Variants in PDSS2 observed in about 807,000 individuals in gnomAD.
The protein encoded by PDSS2 is all trans-polyprenyl-diphosphate synthase PDSS2.
In PDSS2, 31 loss-of-function variants were observed where a neutral mutation model predicts 44.5. That is an observed-to-expected ratio of 0.70 (90% CI 0.52 to 0.94). The LOEUF (loss-of-function observed/expected upper bound fraction) is 0.94, where lower values mean the gene tolerates loss of function less well. Ranked by LOEUF, PDSS2 falls within the 40% of genes least tolerant of loss-of-function variation. PDSS2 has a pLI of 0.00. For missense variants in PDSS2, 452 were observed against 482.2 expected (o/e 0.94, Z 0.59); for synonymous variants, 157 against 180.3 (o/e 0.87, Z 1.03).
intron 7 of PDSS2, among the ~76,000 whole-genome samples, chr6:107,183,678 T>C (rs1049888341): frequency 6.6e-6 from 1 of 151,996 alleles, no homozygotes; most frequent in Non-Finnish European, 1.5e-5. Context: ...GGCAGGCAGA[T>C]CACGAGGTCA....
chr6:107,440,264 C>G (rs952327495), intron 1 of PDSS2, among the ~76,000 whole-genome samples: 3 of 152,228 alleles, frequency 2.0e-5, no homozygotes, highest in African/African-American at 7.2e-5. Flanking sequence ...GCTACCAACA[C>G]TACCATCTGT....
intron 1 of PDSS2, among the ~76,000 whole-genome samples, chr6:107,398,484 A>G (rs1332645095): frequency 6.6e-6 from 1 of 152,220 alleles, no homozygotes; most frequent in Admixed American, 6.5e-5. Flanking sequence ...ATCAACAGAT[A>G]TAAGCCACAA....
intron 1 of PDSS2, among the ~76,000 whole-genome samples, chr6:107,402,552 TAAAA>T (rs1554276835): frequency 4.2e-5 from 1 of 23,600 alleles, no homozygotes; most frequent in Non-Finnish European, 2.5e-4. Context: ...TATATATATA[TAAAA>T]ATATATATAC....
rs115963569 is a variant in PDSS2 at position 107,325,151 on chromosome 6, C to G, written c.431+9047G>C. Among the ~76,000 whole-genome samples the G allele has an allele frequency of 1.5e-3, 227 of 152,216 alleles. 1 individual carries two copies. The highest frequency in any genetic ancestry group is 5.2e-3 in the African/African-American group (214 of 41,544). ...AAATATTCTATCACTTCCTCTAACA[C>G]CACACTAAGCGTAACCAATTTTCAC... is the stretch of plus-strand genomic sequence containing the variant. On this transcript the variant is annotated intron_variant, in intron 2 of 7. Coordinates refer to ENST00000369037, the MANE Select transcript of PDSS2 (RefSeq NM_020381.4).
At chr6:107,307,300 A>G (rs2115094890) in intron 2 of PDSS2, among the ~76,000 whole-genome samples, 1 of 152,354 alleles carries the variant, frequency 6.6e-6, no homozygotes, top group African/African-American at 2.4e-5. Context: ...TAAAAATAAT[A>G]ATAATCAGAA....
intron 7 of PDSS2, among the ~76,000 whole-genome samples, chr6:107,185,663 C>A (rs942697671): frequency 1.3e-5 from 2 of 152,126 alleles, no homozygotes; most frequent in African/African-American, 2.4e-5. Flanking sequence ...TCAACATATT[C>A]GTTTTCTTTT....
chr6:107,327,742 C>A (rs536077947), intron 2 of PDSS2, among the ~76,000 whole-genome samples: 10 of 152,346 alleles, frequency 6.6e-5, no homozygotes, highest in African/African-American at 2.4e-4. Context: ...CAGGCATGAG[C>A]CATGGTGCCC....
chr6:107,404,433 A>G (rs903415884), intron 1 of PDSS2, among the ~76,000 whole-genome samples: 5 of 152,090 alleles, frequency 3.3e-5, no homozygotes, highest in Non-Finnish European at 5.9e-5. Flanking sequence ...CCCAGTACCA[A>G]TTCACTGTAT....
intron 4 of PDSS2, among the ~76,000 whole-genome samples, chr6:107,212,591 CT>C (rs1773258574): frequency 6.6e-6 from 1 of 152,168 alleles, no homozygotes; most frequent in Non-Finnish European, 1.5e-5. Context: ...AACTAACTCC[CT>C]TCTATAGTCA....
chr6:107,370,497 T>G (rs1175773623), intron 1 of PDSS2, among the ~76,000 whole-genome samples: 1 of 152,216 alleles, frequency 6.6e-6, no homozygotes, highest in Non-Finnish European at 1.5e-5. Flanking sequence ...TTCAATAACA[T>G]CAGCAAAATT....
chr6:107,359,395 G>T (rs1431548453), intron 1 of PDSS2, among the ~76,000 whole-genome samples: 1 of 151,786 alleles, frequency 6.6e-6, no homozygotes, highest in Non-Finnish European at 1.5e-5. Flanking sequence ...AGCTGAGGCG[G>T]GTGGATCACT....
intron 4 of PDSS2, among the ~76,000 whole-genome samples, chr6:107,244,131 A>G (rs1710446796): frequency 6.6e-6 from 1 of 152,206 alleles, no homozygotes; most frequent in South Asian, 2.1e-4. Context: ...TCCATCTCAA[A>G]AAAACAAACA....
chr6:107,210,463 A>G lies in PDSS2; in HGVS notation c.984T>C (p.Asp328=), dbSNP rs1003540615. The change falls in exon 6 of 8, where the codon GAT becomes GAC. Residue 328 remains aspartate (D), a synonymous_variant. Coordinates refer to ENST00000369037, the MANE Select transcript of PDSS2 (RefSeq NM_020381.4). ...CCTCTCCGATCTGTTTAATCCACAA[A>G]TCTCTTCCAAGAAATTCCTGATGTA... The part of the protein sequence containing the change: ...VVLHQEFLGR[D]LWIKQIGEAQ... 6 of 1,610,012 alleles carry G rather than the reference A, an allele frequency of 3.7e-6. No individual in the cohort carries two copies. In the African/African-American group the frequency reaches 8.0e-5, roughly 22 times the overall value.
At chr6:107,451,752 C>T (rs973180334) in intron 1 of PDSS2, among the ~76,000 whole-genome samples, 17 of 152,134 alleles carry the variant, frequency 1.1e-4, no homozygotes, top group African/African-American at 3.4e-4. Context: ...ATAAATAGGG[C>T]GGGTTCCCAG....
intron 1 of PDSS2, among the ~76,000 whole-genome samples, chr6:107,375,771 C>T (rs907997892): frequency 6.6e-6 from 1 of 152,120 alleles, no homozygotes. Flanking sequence ...ATATCAGATG[C>T]ACAAATCCTC....
intron 1 of PDSS2, among the ~76,000 whole-genome samples, chr6:107,343,708 A>C (rs1778150113): frequency 6.6e-6 from 1 of 152,240 alleles, no homozygotes; most frequent in African/African-American, 2.4e-5. Context: ...ATACATATAA[A>C]TGAGGCCAAG....
intron 4 of PDSS2, among the ~76,000 whole-genome samples, chr6:107,244,347 G>A (rs554816912): frequency 1.3e-5 from 2 of 152,290 alleles, no homozygotes; most frequent in South Asian, 4.1e-4. Flanking sequence ...AGGGTTATTT[G>A]CTTAGCTGTT....
chr6:107,200,043 G>A (rs1176875160), intron 6 of PDSS2, among the ~76,000 whole-genome samples: 1 of 152,168 alleles, frequency 6.6e-6, no homozygotes, highest in Non-Finnish European at 1.5e-5. Context: ...AGAAGAATTA[G>A]TGTAATTAAG....
chr6:107,208,315 T>TTTTAA (rs1418899584), intron 6 of PDSS2, among the ~76,000 whole-genome samples: 1 of 111,328 alleles, frequency 9.0e-6, no homozygotes, highest in East Asian at 2.8e-4. Flanking sequence ...TTTTTTTTTT[T>TTTTAA]AAAGACAGTC....
Sources: gnomAD v4.1 joint callset for allele counts (sites outside exome capture counted in the v4.1 genomes callset) on GRCh38, gnomAD v4.1.1 for gene constraint, MANE v1.5 for transcripts, NCBI Gene and HGNC (gene_info 2026-07-23, HGNC 2026-07-21) for gene names.